Variants in ADGRG6 observed in about 807,000 individuals in gnomAD.
ADGRG6 encodes adhesion G protein-coupled receptor G6.
In ADGRG6, 84 loss-of-function variants were observed where a neutral mutation model predicts 142.4. The observed-to-expected ratio is 0.59, with a 90% CI of 0.49 to 0.71. The LOEUF (loss-of-function observed/expected upper bound fraction) is 0.71, where lower values mean the gene tolerates loss of function less well. ADGRG6 is among the 30% of genes least tolerant of loss of function. The pLI is 0.00. For synonymous variants in ADGRG6, 521 were observed against 520.5 expected, an observed-to-expected ratio of 1.00 and a Z score of -0.01; for missense variants, 1,367 against 1,466.6, an observed-to-expected ratio of 0.93 and a Z score of 1.11.
chr6:142,430,700 T>C (rs1052822328), intron 22 of ADGRG6, among the ~76,000 whole-genome samples: 2 of 152,198 alleles, frequency 1.3e-5, no homozygotes, highest in South Asian at 2.1e-4. Flanking sequence ...ATGCCAATAC[T>C]TAGAAATAGG....
chr6:142,349,541 A>G (rs1377168298), intron 2 of ADGRG6, among the ~76,000 whole-genome samples: 4 of 152,228 alleles, frequency 2.6e-5, no homozygotes, highest in Non-Finnish European at 5.9e-5. Context: ...GTCTGAGGGA[A>G]ACTCAACAGG....
chr6:142,306,578 C>T (rs1388525311), intron 1 of ADGRG6, among the ~76,000 whole-genome samples: 1 of 152,012 alleles, frequency 6.6e-6, no homozygotes, highest in Non-Finnish European at 1.5e-5. Context: ...CTTTAGGTTT[C>T]TTCCAGATAT....
At chr6:142,327,506 G>T (rs1041950805) in intron 2 of ADGRG6, among the ~76,000 whole-genome samples, 1 of 152,004 alleles carries the variant, frequency 6.6e-6, no homozygotes, top group Non-Finnish European at 1.5e-5. Context: ...TGGAAGATAA[G>T]CTACTAGATA....
Position 142,402,006 on chromosome 6 carries a change from T to A in ADGRG6, c.1692T>A (p.Ala564=), listed in dbSNP as rs536315203. Residue 564 remains alanine (A), a synonymous_variant, in exon 12 of 25, where the codon GCT becomes GCA. Transcript: ENST00000367609. ...TTTTGTTTCATAGTTTTTACAATGC[T>A]ACCAACCCATTGGTAACCTACTGGG... is the stretch of plus-strand genomic sequence containing the variant. ...FSASRICFYN[A]TNPLVTYWGP... is the part of the protein sequence containing the mutation. 6.6e-7 allele frequency: 1 copy of A among 1,511,236 alleles called. No individual in the cohort carries two copies. Among genetic ancestry groups the A allele is most frequent in the African/African-American group, 1.4e-5 (1 of 73,046 alleles). 93.6% of individuals were successfully genotyped at this position (1,511,236 alleles called of 1,614,324 possible). A position where few individuals can be genotyped will look rare whatever the true frequency, so the allele number is the denominator to read the frequency against.
In ADGRG6 at chr6:142,411,553, T is replaced by C. The variant is rs1582649632; in HGVS notation, c.2541+142T>C. On this transcript the variant is annotated intron_variant, in intron 18 of 24. Coordinates refer to ENST00000367609, the MANE Select transcript of ADGRG6 (RefSeq NM_198569.3). ...CTGTACCGTGAATCTTAATTCTTAA[T>C]AAAGAATCTAATTAGCAAAGATCAC... 3 of 560,360 alleles carry C rather than the reference T, an allele frequency of 5.4e-6. No individual in the cohort carries two copies. The South Asian group carries it at 7.0e-5, about 13-fold the overall frequency. The allele number at this position is 560,360 out of a possible 1,614,324, so 34.7% of individuals were successfully genotyped here.
At chr6:142,372,712 T>G (rs968530425) in intron 4 of ADGRG6, among the ~76,000 whole-genome samples, 3 of 152,160 alleles carry the variant, frequency 2.0e-5, no homozygotes, top group Admixed American at 6.5e-5. Context: ...CCTTGAGAAG[T>G]CTTTTATCAG....
At position 142,328,555 on chromosome 6, in the gene ADGRG6, G is replaced by A. The variant is rs117225661; in HGVS notation, c.103+18911G>A. Among the ~76,000 whole-genome samples the A allele has an allele frequency of 4.3e-4, 66 of 152,232 alleles. 1 individual carries two copies. The East Asian group carries it at 0.013, about 29-fold the overall frequency. Reference sequence around the variant, plus strand: ...CATCTTGATAGCCAGGAGTCAGGTTGTGTTTTTTAAATCTAATTATAGTTC... The same window carrying A: ...CATCTTGATAGCCAGGAGTCAGGTTATGTTTTTTAAATCTAATTATAGTTC... On this transcript the variant is annotated intron_variant, in intron 2 of 24. Transcript: ENST00000367609.
chr6:142,405,385 GC>G, intron 14 of ADGRG6: 1 of 492,810 alleles, frequency 2.0e-6, no homozygotes, highest in South Asian at 1.5e-5. Flanking sequence ...CTCAAAATCT[GC>G]TGCTGGTAAA....
chr6:142,429,647 C>T (rs1321082334), intron 22 of ADGRG6, among the ~76,000 whole-genome samples: 3 of 152,142 alleles, frequency 2.0e-5, no homozygotes, highest in Non-Finnish European at 2.9e-5. Context: ...ACTAAGGATG[C>T]TCAGAGGTCA....
chr6:142,379,976 T>G (rs1051850997), intron 4 of ADGRG6, among the ~76,000 whole-genome samples: 2 of 152,162 alleles, frequency 1.3e-5, no homozygotes, highest in African/African-American at 4.8e-5. Flanking sequence ...AACCAATACA[T>G]GTAAGATTTA....
chr6:142,359,203 T>TAAAA (rs397885145), intron 2 of ADGRG6, among the ~76,000 whole-genome samples: 2 of 57,278 alleles, frequency 3.5e-5, no homozygotes, highest in Admixed American at 4.1e-4. Flanking sequence ...CAAGACCCTA[T>TAAAA]AAAAAAAAAA....
intron 2 of ADGRG6, among the ~76,000 whole-genome samples, chr6:142,359,506 C>T (rs1430860675): frequency 1.3e-5 from 2 of 152,154 alleles, no homozygotes; most frequent in Admixed American, 1.3e-4. Flanking sequence ...CTGCCTTCCT[C>T]CTTTACTTGG....
chr6:142,415,635 A>G (rs897985661), intron 19 of ADGRG6, among the ~76,000 whole-genome samples, 161 bp from the exon 20 acceptor site: 8 of 152,222 alleles, frequency 5.3e-5, no homozygotes, highest in African/African-American at 1.9e-4. Flanking sequence ...CCAAATACTC[A>G]TAAATATCCT....
chr6:142,364,009 T>A (rs1780834018), intron 2 of ADGRG6, among the ~76,000 whole-genome samples: 1 of 126,306 alleles, frequency 7.9e-6, no homozygotes, highest in African/African-American at 2.6e-5. Flanking sequence ...TGTGGCAACT[T>A]TTTTTTTTTT....
At chr6:142,384,092 G>A (rs999341756) in intron 6 of ADGRG6, among the ~76,000 whole-genome samples, 1 of 152,022 alleles carries the variant, frequency 6.6e-6, no homozygotes, top group African/African-American at 2.4e-5. Flanking sequence ...TTTTTTCAAA[G>A]GAAGTTTTAG....
At chr6:142,393,419 C>T (rs544699016) in intron 8 of ADGRG6, among the ~76,000 whole-genome samples, 2 of 152,142 alleles carry the variant, frequency 1.3e-5, no homozygotes, top group Admixed American at 6.6e-5. Flanking sequence ...CCTAACTTTT[C>T]GAAATTATCC....
chr6:142,313,122 T>G (rs1382056652), intron 2 of ADGRG6, among the ~76,000 whole-genome samples: 19 of 151,920 alleles, frequency 1.3e-4, no homozygotes, highest in Non-Finnish European at 2.5e-4. Context: ...TTTGCCTTCT[T>G]ACAACGATCA....
chr6:142,348,573 T>C (rs1780016153), intron 2 of ADGRG6, among the ~76,000 whole-genome samples: 1 of 152,070 alleles, frequency 6.6e-6, no homozygotes. Flanking sequence ...TTCTTCCATG[T>C]GCTTCAAAAA....
rs1774831930 is a variant in ADGRG6, at chr6:142,390,464, T to C, written c.1308+121T>C. On this transcript the variant is annotated intron_variant, in intron 7 of 24. Coordinates refer to ENST00000367609, the MANE Select transcript of ADGRG6 (RefSeq NM_198569.3). ...ACACAGATGGTATTCATTAGAAATA[T>C]ATGAGTAGATATGTAAGTGAGGTGT... is the stretch of plus-strand genomic sequence containing the variant. The C allele has an allele frequency of 8.0e-6, 4 of 501,040 alleles. 1 individual carries two copies. In the South Asian group the frequency reaches 1.1e-4, roughly 14 times the overall value. The allele number at this position is 501,040 out of a possible 1,614,324, so 31.0% of individuals were successfully genotyped here.
Sources: allele counts gnomAD v4.1 joint callset (sites outside exome capture counted in the v4.1 genomes callset), GRCh38; gene constraint gnomAD v4.1.1; transcripts MANE v1.5; gene names NCBI Gene and HGNC (gene_info 2026-07-23, HGNC 2026-07-21).